RSRC1: variants seen among roughly 807,000 people sequenced by gnomAD.
RSRC1 encodes the protein arginine and serine rich coiled-coil 1.
A neutral mutation model predicts 49.1 loss-of-function variants in RSRC1; 39 were observed. The observed-to-expected ratio is 0.79, with a 90% CI of 0.61 to 1.04. RSRC1 has a LOEUF of 1.04. Ranked by LOEUF, RSRC1 falls within the 50% of genes least tolerant of loss-of-function variation. The probability of loss-of-function intolerance (pLI) is 0.00; values close to 1 mark genes in which losing one functional copy is unlikely to be tolerated. For missense variants in RSRC1, 388 were observed against 402.4 expected, an observed-to-expected ratio of 0.96 and a Z score of 0.31; for synonymous variants, 143 against 130.8, an observed-to-expected ratio of 1.09 and a Z score of -0.63.
chr3:158,271,476 T>C (rs932892904), intron 4 of RSRC1, among the ~76,000 whole-genome samples: 29 of 152,314 alleles, frequency 1.9e-4, no homozygotes, highest in Non-Finnish European at 3.8e-4. Flanking sequence ...TCTTTTACTC[T>C]CATAGACTAT....
chr3:158,352,036 T>C (rs1425003515), intron 5 of RSRC1, among the ~76,000 whole-genome samples: 1 of 151,318 alleles, frequency 6.6e-6, no homozygotes. Flanking sequence ...TTGGGAGGCC[T>C]AGGTGGGAGG....
At chr3:158,122,646 T>G (rs183465454) in intron 2 of RSRC1, among the ~76,000 whole-genome samples, 87 of 152,272 alleles carry the variant, frequency 5.7e-4, no homozygotes, top group African/African-American at 2.0e-3. Flanking sequence ...TTGTTACATA[T>G]GTATACATGT....
chr3:158,292,505 T>C (rs912317489), intron 4 of RSRC1, among the ~76,000 whole-genome samples: 4 of 152,166 alleles, frequency 2.6e-5, no homozygotes, highest in Non-Finnish European at 1.5e-5. Flanking sequence ...ATTTTCCACT[T>C]CAGGACCATT....
chr3:158,232,781 A>C (rs533182463), intron 4 of RSRC1, among the ~76,000 whole-genome samples: 2 of 152,194 alleles, frequency 1.3e-5, no homozygotes, highest in South Asian at 4.1e-4. Flanking sequence ...AAAATGATCT[A>C]CTCATAACCA....
chr3:158,425,367 A>T (rs1560037139), intron 6 of RSRC1, among the ~76,000 whole-genome samples: 1 of 152,072 alleles, frequency 6.6e-6, no homozygotes, highest in African/African-American at 2.4e-5. Flanking sequence ...CAGGTTGTTC[A>T]GTTTCCATGT....
At chr3:158,159,981 C>G (rs555589662) in intron 3 of RSRC1, among the ~76,000 whole-genome samples, 1 of 152,210 alleles carries the variant, frequency 6.6e-6, no homozygotes, top group African/African-American at 2.4e-5. Context: ...TTTTATCTCT[C>G]TATTGCAAAC....
At chr3:158,384,942 GC>G (rs560092448) in intron 6 of RSRC1, among the ~76,000 whole-genome samples, 6 of 152,106 alleles carry the variant, frequency 3.9e-5, no homozygotes, top group Non-Finnish European at 7.4e-5. Flanking sequence ...GAACCTGATG[GC>G]AGCTGGATCA....
At chr3:158,347,166 A>ACT (rs1047603419) in intron 5 of RSRC1, among the ~76,000 whole-genome samples, 5 of 151,876 alleles carry the variant, frequency 3.3e-5, no homozygotes, top group Non-Finnish European at 5.9e-5. Flanking sequence ...TGTTATTTTG[A>ACT]CTCTCTCTCT....
intron 4 of RSRC1, among the ~76,000 whole-genome samples, chr3:158,244,553 G>C (rs1439413445): frequency 6.6e-6 from 1 of 152,154 alleles, no homozygotes; most frequent in Non-Finnish European, 1.5e-5. Flanking sequence ...TTGCATCAAT[G>C]TTCATCAAGG....
At chr3:158,323,020 T>A (rs1177629107) in intron 5 of RSRC1, among the ~76,000 whole-genome samples, 2 of 152,200 alleles carry the variant, frequency 1.3e-5, no homozygotes, top group South Asian at 2.1e-4. Flanking sequence ...CTACCCTTCT[T>A]CCTTGAGCAG....
At chr3:158,497,994 C>T (rs182332301) in intron 7 of RSRC1, among the ~76,000 whole-genome samples, 27 of 152,224 alleles carry the variant, frequency 1.8e-4, no homozygotes, top group East Asian at 3.9e-4. Flanking sequence ...GTTGGTTTCA[C>T]GATTTGCACT....
In RSRC1 at chr3:158,198,814, G is replaced by A. The variant is rs184715118; in HGVS notation, c.321-4258G>A. 2.0e-3 allele frequency among the ~76,000 whole-genome samples: 309 copies of A among 152,126 alleles called. 1 individual carries two copies. Among genetic ancestry groups the A allele is most frequent in the Non-Finnish European group, 3.8e-3 (255 of 67,992 alleles). On this transcript the variant is annotated intron_variant, in intron 3 of 9. Coordinates refer to ENST00000611884, the MANE Select transcript of RSRC1 (RefSeq NM_001271838.2). ...TTCGGCCATCTTGGCTCCACCCCCCGCAAGAAATTTCTTAATATCACATTG... is the reference window on the plus strand; with the variant it reads ...TTCGGCCATCTTGGCTCCACCCCCCACAAGAAATTTCTTAATATCACATTG...
chr3:158,386,544 G>A (rs1168623222), intron 6 of RSRC1, among the ~76,000 whole-genome samples: 1 of 152,022 alleles, frequency 6.6e-6, no homozygotes, highest in Non-Finnish European at 1.5e-5. Flanking sequence ...ATACCTGCTA[G>A]AGGCTATATT....
chr3:158,300,573 T>C (rs1407977491), intron 5 of RSRC1, among the ~76,000 whole-genome samples: 3 of 152,198 alleles, frequency 2.0e-5, no homozygotes, highest in Non-Finnish European at 4.4e-5. Context: ...GCATATTGTT[T>C]AGAGCCTTCT....
chr3:158,289,685 G>A (rs1183753298), intron 4 of RSRC1, among the ~76,000 whole-genome samples: 1 of 152,186 alleles, frequency 6.6e-6, no homozygotes, highest in African/African-American at 2.4e-5. Context: ...AAAGTGCTAA[G>A]AATTCTAACC....
intron 3 of RSRC1, among the ~76,000 whole-genome samples, chr3:158,199,431 T>A (rs912242984): frequency 2.2e-4 from 33 of 152,158 alleles, no homozygotes; most frequent in Admixed American, 2.6e-4. Context: ...TTCTTTCATT[T>A]GATGAGTTTC....
intron 7 of RSRC1, among the ~76,000 whole-genome samples, chr3:158,506,252 A>T (rs1307562798): frequency 6.6e-6 from 1 of 152,140 alleles, no homozygotes; most frequent in Non-Finnish European, 1.5e-5. Context: ...TCTTTAACTC[A>T]ATAGCACATA....
At chr3:158,337,197 A>ACATTCCACATCCT (rs573600723) in intron 5 of RSRC1, among the ~76,000 whole-genome samples, 130 of 152,328 alleles carry the variant, frequency 8.5e-4, no homozygotes, top group African/African-American at 2.9e-3. Flanking sequence ...GAGAGCGAAG[A>ACATTCCACATCCT]CATTCCACAT....
At position 158,202,562 on chromosome 3, in the gene RSRC1, TTA is replaced by T. The variant is rs56789942; in HGVS notation, c.321-492_321-491del. Among the ~76,000 whole-genome samples, 84 of 91,864 alleles carry T rather than the reference TTA, an allele frequency of 9.1e-4. 4 individuals carry two copies. The highest frequency in any genetic ancestry group is 1.7e-3 in the African/African-American group (32 of 18,922). 60.3% of individuals were successfully genotyped at this position (91,864 alleles called of 152,430 possible). A position where few individuals can be genotyped will look rare whatever the true frequency, so the allele number is the denominator to read the frequency against. On this transcript the variant is annotated intron_variant, in intron 3 of 9. Coordinates refer to ENST00000611884, the MANE Select transcript of RSRC1 (RefSeq NM_001271838.2). ...TCTGTAGGGTTGTCAGTCTGGTAGA[TTA>T]TATATATATATATATATGTTTTATC...
Sources: allele counts gnomAD v4.1 joint callset (sites outside exome capture counted in the v4.1 genomes callset), GRCh38; gene constraint gnomAD v4.1.1; transcripts MANE v1.5; gene names NCBI Gene and HGNC (gene_info 2026-07-23, HGNC 2026-07-21).